Variants in ZFAT observed in about 807,000 individuals in gnomAD.
ZFAT encodes zinc finger protein ZFAT.
A neutral mutation model predicts 117.7 loss-of-function variants in ZFAT; 64 were observed. The ratio of observed to expected loss-of-function variants is 0.54; its 90% CI spans 0.44 to 0.67. ZFAT has a LOEUF of 0.67. Ranked by LOEUF, ZFAT falls within the 30% of genes least tolerant of loss-of-function variation. The pLI is 0.00. For synonymous variants in ZFAT, 679 were observed against 615.0 expected (o/e 1.10, Z -1.54); for missense variants, 1,433 against 1,584.5 (o/e 0.90, Z 1.62).
chr8:134,694,135 C>G (rs1316473491), intron 1 of ZFAT, among the ~76,000 whole-genome samples: 2 of 152,262 alleles, frequency 1.3e-5, no homozygotes, highest in East Asian at 1.9e-4. Flanking sequence ...AGACATGACG[C>G]TGGAACGCGG....
At chr8:134,704,204 G>T (rs2131361623) in intron 1 of ZFAT, among the ~76,000 whole-genome samples, 1 of 152,270 alleles carries the variant, frequency 6.6e-6, no homozygotes, top group South Asian at 2.1e-4. Flanking sequence ...TTCCCAAGAT[G>T]CTTCCAGGAA....
chr8:134,634,604 CAT>C lies in ZFAT; in HGVS notation c.448+2855_448+2856del, dbSNP rs1554609197. ...ATACATATTGACACACACACACACA[CAT>C]TTAGGAATAGTTATTAAAGCAGTAT... On this transcript the variant is annotated intron_variant, in intron 3 of 15. Transcript: ENST00000377838. Among the ~76,000 whole-genome samples the C allele has an allele frequency of 3.1e-3, 475 of 152,068 alleles. 1 individual carries two copies. The highest frequency in any genetic ancestry group is 0.011 in the African/African-American group (460 of 41,416).
At chr8:134,687,622 C>G (rs868776117) in intron 1 of ZFAT, among the ~76,000 whole-genome samples, 10 of 152,062 alleles carry the variant, frequency 6.6e-5, no homozygotes, top group Admixed American at 1.3e-4. Context: ...AGGAACACCC[C>G]CTGTCCCGCT....
chr8:134,716,143 TTA>T (rs375486869), upstream of ZFAT, among the ~76,000 whole-genome samples: 22 of 142,088 alleles, frequency 1.5e-4, no homozygotes, highest in Non-Finnish European at 2.1e-4. Flanking sequence ...TAAAATTTAT[TTA>T]TATATATATA....
the ZFAT span, among the ~76,000 whole-genome samples, chr8:134,810,640 A>G: frequency 1.3e-5 from 2 of 152,212 alleles, no homozygotes; most frequent in African/African-American, 4.8e-5. Flanking sequence ...TGAGTAAGTC[A>G]TTTAACCGCT....
Position 134,602,709 on chromosome 8 carries a change from C to G in ZFAT, c.1010G>C (p.Ser337Thr). 6.2e-7 allele frequency: 1 copy of G among 1,614,046 alleles called. No individual in the cohort carries two copies. The highest frequency in any genetic ancestry group is 1.1e-5 in the South Asian group (1 of 91,050). Residue 337 changes from serine (S) to threonine (T), a missense_variant, in exon 6 of 16, where the codon AGC (serine) becomes ACC (threonine). Physicochemically the swap from Ser to Thr is moderately conservative, Grantham distance 58. Coordinates refer to ENST00000377838, the MANE Select transcript of ZFAT (RefSeq NM_020863.4). ...ACDYCSFTCL[S>T]KGHLKVHIER... ...GATGTGCACCTTGAGGTGGCCCTTG[C>G]TCAGGCAGGTGAACGAGCAATAGTC...
chr8:134,591,941 A>G (rs1055649979), intron 7 of ZFAT, among the ~76,000 whole-genome samples: 1 of 152,180 alleles, frequency 6.6e-6, no homozygotes, highest in African/African-American at 2.4e-5. Flanking sequence ...AGCATGTGGC[A>G]CTTTGATTGC....
At chr8:134,720,862 G>A in the ZFAT span, among the ~76,000 whole-genome samples, 2 of 152,196 alleles carry the variant, frequency 1.3e-5, no homozygotes, top group African/African-American at 4.8e-5. Context: ...AATAATGGTG[G>A]TATGGGCCCA....
At position 134,503,337 on chromosome 8, in the gene ZFAT, T is replaced by G. The variant is rs372145061; in HGVS notation, c.3492+6282A>C. Among the ~76,000 whole-genome samples the G allele has an allele frequency of 2.6e-5, 4 of 152,310 alleles. No individual in the cohort carries two copies. In the South Asian group the frequency reaches 8.3e-4, roughly 32 times the overall value. ...AATACGGATCTGCCAATGGATGTGT[T>G]TTCTGGAAGCTACTAAATCACCATG... On this transcript the variant is annotated intron_variant, in intron 15 of 15. Coordinates refer to ENST00000377838, the MANE Select transcript of ZFAT (RefSeq NM_020863.4).
At chr8:134,763,152 C>A in the ZFAT span, among the ~76,000 whole-genome samples, 6 of 152,274 alleles carry the variant, frequency 3.9e-5, no homozygotes, top group South Asian at 1.2e-3. Flanking sequence ...AAAATAATAT[C>A]ATCATAAAGT....
chr8:134,661,119 T>C (rs988974034), intron 1 of ZFAT, among the ~76,000 whole-genome samples: 1 of 152,094 alleles, frequency 6.6e-6, no homozygotes, highest in Non-Finnish European at 1.5e-5. Flanking sequence ...CAGGCTGCCA[T>C]GGACAGGAGA....
chr8:134,746,386 G>A, the ZFAT span, among the ~76,000 whole-genome samples: 1 of 152,270 alleles, frequency 6.6e-6, no homozygotes, highest in Non-Finnish European at 1.5e-5. Flanking sequence ...CTAAAACGTA[G>A]AACACCGCAA....
chr8:134,769,353 G>C, the ZFAT span, among the ~76,000 whole-genome samples: 2 of 152,108 alleles, frequency 1.3e-5, 1 homozygote, highest in South Asian at 4.1e-4. Flanking sequence ...AAAACAGAAG[G>C]GCTACAGGCC....
chr8:134,789,542 G>A, the ZFAT span, among the ~76,000 whole-genome samples: 11 of 152,142 alleles, frequency 7.2e-5, no homozygotes, highest in African/African-American at 2.7e-4. Flanking sequence ...CACATTTGGA[G>A]TGGATCTTTT....
In ZFAT at chr8:134,644,925, A is replaced by G. The variant is rs145149468; in HGVS notation, c.197-7213T>C. ...CACAATCACATGCACACACACAAAC[A>G]CACCCATATACACACATACCTGTGT... On this transcript the variant is annotated intron_variant, in intron 2 of 15. Transcript: ENST00000377838. Among the ~76,000 whole-genome samples, 332 of 152,286 alleles carry G rather than the reference A, an allele frequency of 2.2e-3. 2 individuals carry two copies. Among genetic ancestry groups the G allele is most frequent in the African/African-American group, 7.2e-3 (298 of 41,560 alleles).
At chr8:134,613,574 G>A (rs1382772574) in intron 3 of ZFAT, among the ~76,000 whole-genome samples, 2 of 151,980 alleles carry the variant, frequency 1.3e-5, no homozygotes, top group East Asian at 3.8e-4. Flanking sequence ...CGGCTGCTTT[G>A]GGGTGTGCAT....
chr8:134,763,663 T>C, the ZFAT span, among the ~76,000 whole-genome samples: 1 of 152,218 alleles, frequency 6.6e-6, no homozygotes, highest in African/African-American at 2.4e-5. Flanking sequence ...TCCTCGTGCC[T>C]AGAACAGTGC....
At chr8:134,600,352 A>G (rs894343) in intron 7 of ZFAT, 84 bp downstream of exon 7, 889,330 of 1,220,366 alleles carry the variant, frequency 0.73, 326,539 homozygotes, top group East Asian at 0.91. Context: ...GACCTGCAGC[A>G]GAGACACCTA....
chr8:134,528,603 C>T (rs577134609), intron 12 of ZFAT, among the ~76,000 whole-genome samples: 10 of 152,174 alleles, frequency 6.6e-5, no homozygotes, highest in Admixed American at 1.3e-4. Context: ...TTCTAGCAGA[C>T]GCCAAATACT....
Sources: gnomAD v4.1 joint callset for allele counts (sites outside exome capture counted in the v4.1 genomes callset) on GRCh38, gnomAD v4.1.1 for gene constraint, MANE v1.5 for transcripts, NCBI Gene and HGNC (gene_info 2026-07-23, HGNC 2026-07-21) for gene names.